TXLNG: variants seen among roughly 807,000 people sequenced by gnomAD.
TXLNG encodes the protein gamma-taxilin.
In TXLNG, 5 loss-of-function variants were observed where a neutral mutation model predicts 38.8. That is an observed-to-expected ratio of 0.13 (90% CI 0.07 to 0.27). The LOEUF is 0.27. TXLNG is among the 10% of genes least tolerant of loss of function. The pLI is 1.00. For synonymous variants in TXLNG, 182 were observed against 158.2 expected, an observed-to-expected ratio of 1.15 and a Z score of -1.13; for missense variants, 393 against 398.2, an observed-to-expected ratio of 0.99 and a Z score of 0.11.
chrX:16,834,903 G>C (rs1929537107), intron 7 of TXLNG, among the ~76,000 whole-genome samples: 1 of 111,267 alleles, frequency 9.0e-6, no homozygotes, highest in African/African-American at 3.3e-5. Flanking sequence ...AGCTGGGTGT[G>C]GTGGCACGCC....
chrX:16,834,249 A>G (rs1000877935), intron 6 of TXLNG, 34 bp from the exon 7 acceptor site: 5 of 1,131,181 alleles, frequency 4.4e-6, no homozygotes, highest in Non-Finnish European at 6.1e-6. Flanking sequence ...TGTAATTACC[A>G]TTAGCATTTT....
intron 1 of TXLNG, among the ~76,000 whole-genome samples, chrX:16,787,852 A>G (rs1467074161): frequency 2.7e-5 from 3 of 112,468 alleles, no homozygotes; most frequent in African/African-American, 6.5e-5. Context: ...TTCTAATGCA[A>G]TTCATAAACT....
Position 16,786,516 on chromosome X carries a change from G to A in TXLNG, c.29G>A (p.Arg10Gln), listed in dbSNP as rs769543498. MATRVEEAA[R>Q]GRGGGAEEAT... The stretch of plus-strand genomic sequence containing the variant: ...GCGACGCGGGTAGAGGAGGCAGCGC[G>A]GGGAAGAGGCGGCGGCGCCGAAGAG... Residue 10 changes from arginine (R) to glutamine (Q), a missense_variant, in exon 1 of 10, where the codon CGG becomes CAG. Physicochemically the swap from Arg to Gln is conservative, Grantham distance 43. Transcript: ENST00000380122. The A allele has an allele frequency of 3.6e-6, 4 of 1,111,656 alleles. No individual in the cohort carries two copies. Among genetic ancestry groups the A allele is most frequent in the Non-Finnish European group, 4.7e-6 (4 of 849,440 alleles). The allele number at this position is 1,111,656 out of a possible 1,213,427, so 91.6% of individuals were successfully genotyped here. A position where few individuals can be genotyped will look rare whatever the true frequency, so the allele number is the denominator to read the frequency against.
At chrX:16,810,221 C>G (rs987757255) in intron 1 of TXLNG, among the ~76,000 whole-genome samples, 18 of 111,927 alleles carry the variant, frequency 1.6e-4, no homozygotes, top group African/African-American at 5.8e-4. Flanking sequence ...GTATTAGCTA[C>G]TACTACTATT....
At chrX:16,809,724 G>A (rs1470092645) in intron 1 of TXLNG, among the ~76,000 whole-genome samples, 1 of 111,455 alleles carries the variant, frequency 9.0e-6, no homozygotes, top group African/African-American at 3.3e-5. Context: ...CTGGCTTACT[G>A]TGGTTCAACT....
chrX:16,808,546 G>C (rs1438838012), intron 1 of TXLNG, among the ~76,000 whole-genome samples: 1 of 111,594 alleles, frequency 9.0e-6, no homozygotes, highest in East Asian at 2.8e-4. Flanking sequence ...CACTCACCCA[G>C]TTTGTCTCCA....
chrX:16,833,613 T>G (rs1929490807), intron 6 of TXLNG, among the ~76,000 whole-genome samples: 1 of 106,789 alleles, frequency 9.4e-6, no homozygotes, highest in East Asian at 2.8e-4. Context: ...AAAGTTGGAA[T>G]ATAAATTTTA....
chrX:16,816,064 A>AT (rs202218771), intron 1 of TXLNG, among the ~76,000 whole-genome samples: 1,060 of 105,538 alleles, frequency 0.01, 15 homozygotes, highest in African/African-American at 0.034. Flanking sequence ...TATATTAATG[A>AT]TTTTTTTTTC....
At chrX:16,827,970 A>G in intron 3 of TXLNG, 124 bp from the exon 4 acceptor site, 1 of 553,446 alleles carries the variant, frequency 1.8e-6, no homozygotes, top group South Asian at 7.5e-5. Flanking sequence ...AACAATTTAA[A>G]TAATATATTA....
intron 8 of TXLNG, 135 bp from the exon 9 acceptor site, chrX:16,839,682 GACAC>G: frequency 2.5e-6 from 1 of 408,127 alleles, no homozygotes; most frequent in Non-Finnish European, 4.3e-6. Context: ...CTTCTATAAA[GACAC>G]ACACAGCTGT....
chrX:16,835,148 T>TA (rs1929546688), intron 7 of TXLNG, among the ~76,000 whole-genome samples: 1 of 110,859 alleles, frequency 9.0e-6, no homozygotes, highest in East Asian at 2.8e-4. Context: ...CATTTCTACC[T>TA]ATACATTCAT....
At chrX:16,789,701 T>G (rs1316393354) in intron 1 of TXLNG, among the ~76,000 whole-genome samples, 1 of 108,054 alleles carries the variant, frequency 9.3e-6, no homozygotes, top group Admixed American at 1.0e-4. Context: ...AAAAAATTAA[T>G]AGACTTTTTT....
chrX:16,814,412 G>A (rs1928654412), intron 1 of TXLNG, among the ~76,000 whole-genome samples: 1 of 111,803 alleles, frequency 8.9e-6, no homozygotes, highest in African/African-American at 3.3e-5. Context: ...TCAGGAGTTC[G>A]TGACCAGCCT....
intron 1 of TXLNG, among the ~76,000 whole-genome samples, chrX:16,788,443 A>T (rs1357821035): frequency 1.8e-5 from 2 of 111,102 alleles, no homozygotes; most frequent in African/African-American, 6.6e-5. Flanking sequence ...TTTCTTTTTG[A>T]TTTCTAACTG....
chrX:16,844,305 A>C lies in TXLNG; in HGVS notation c.*2539A>C, dbSNP rs1490592683. 2 of 112,172 alleles carry C rather than the reference A, an allele frequency of 1.8e-5. No individual in the cohort carries two copies. The highest frequency in any genetic ancestry group is 3.8e-5 in the Non-Finnish European group (2 of 53,262). The allele number at this position is 112,172 out of a possible 1,213,427, so 9.2% of individuals were successfully genotyped here. On this transcript the variant is annotated 3_prime_UTR_variant, in exon 10 of 10. Coordinates refer to ENST00000380122, the MANE Select transcript of TXLNG (RefSeq NM_018360.3). ...CTACCTCTTTCAGACTGTAGATGGAAATAACTGTGAAAAAAATGATGCAGA... is the reference window on the plus strand; with the variant it reads ...CTACCTCTTTCAGACTGTAGATGGACATAACTGTGAAAAAAATGATGCAGA...
At position 16,840,476 on chromosome X, in the gene TXLNG, C is replaced by T. The variant is rs776720207; in HGVS notation, c.1248+560C>T. 1.2e-5 allele frequency: 9 copies of T among 752,756 alleles called. No homozygotes were observed. In the African/African-American group the frequency reaches 1.6e-4, roughly 13 times the overall value. The allele number at this position is 752,756 out of a possible 1,213,427, so 62.0% of individuals were successfully genotyped here. A position where few individuals can be genotyped will look rare whatever the true frequency, so the allele number is the denominator to read the frequency against. ...AAGAAAACGCTGGGGCACATGTGTA[C>T]AAGAACCTTGTTCTCGGCTGGGCAC... On this transcript the variant is annotated intron_variant, in intron 9 of 9. Transcript: ENST00000380122.
intron 1 of TXLNG, among the ~76,000 whole-genome samples, chrX:16,787,587 C>G (rs1311980928): frequency 1.8e-5 from 2 of 110,375 alleles, no homozygotes; most frequent in Non-Finnish European, 3.8e-5. Flanking sequence ...TCCACTTGTT[C>G]TGGAGCTCAG....
At chrX:16,836,029 G>A (rs1024675181) in intron 7 of TXLNG, among the ~76,000 whole-genome samples, 2 of 112,402 alleles carry the variant, frequency 1.8e-5, no homozygotes, top group Non-Finnish European at 3.8e-5. Flanking sequence ...TAGCCAAGGC[G>A]GGCGGATCGC....
intron 1 of TXLNG, among the ~76,000 whole-genome samples, chrX:16,813,734 G>A (rs892987804): frequency 9.1e-6 from 1 of 109,800 alleles, no homozygotes; most frequent in African/African-American, 3.3e-5. Flanking sequence ...TCCACTCCTA[G>A]GACTGTACCC....
Sources: gnomAD v4.1 joint callset for allele counts (sites outside exome capture counted in the v4.1 genomes callset) on GRCh38, gnomAD v4.1.1 for gene constraint, MANE v1.5 for transcripts, NCBI Gene and HGNC (gene_info 2026-07-23, HGNC 2026-07-21) for gene names.